CS: variants seen among roughly 807,000 people sequenced by gnomAD.
CS encodes the protein citrate synthase, mitochondrial.
In CS, 13 loss-of-function variants were observed where a neutral mutation model predicts 61.4. The observed-to-expected ratio is 0.21, with a 90% confidence interval of 0.14 to 0.34. The LOEUF (loss-of-function observed/expected upper bound fraction) is 0.34, where lower values mean the gene tolerates loss of function less well. Among genes scored for constraint, CS ranks in the 10% least tolerant of loss-of-function variants. The probability of loss-of-function intolerance (pLI) is 1.00; values close to 1 mark genes in which losing one functional copy is unlikely to be tolerated. For missense variants in CS, 278 were observed against 573.4 expected (o/e 0.48, Z 5.26); for synonymous variants, 159 against 215.2 (o/e 0.74, Z 2.29).
At chr12:56,286,786 C>T in intron 1 of CS, 141 bp from the exon 2 acceptor site, 2 of 737,150 alleles carry the variant, frequency 2.7e-6, no homozygotes, top group Non-Finnish European at 4.6e-6. Context: ...TGTAAAAGTC[C>T]CCAAACAGTT....
chr12:56,278,664 G>A (rs937953666), intron 6 of CS, among the ~76,000 whole-genome samples: 10 of 151,754 alleles, frequency 6.6e-5, no homozygotes, highest in African/African-American at 2.4e-4. Flanking sequence ...TTGAACCTGG[G>A]AGGCGGAGGT....
At chr12:56,278,924 C>T (rs774628273) in intron 6 of CS, among the ~76,000 whole-genome samples, 5 of 151,934 alleles carry the variant, frequency 3.3e-5, no homozygotes, top group Admixed American at 1.3e-4. Context: ...CAGGTGTGCA[C>T]CAGGACGCTC....
intron 1 of CS, among the ~76,000 whole-genome samples, chr12:56,287,517 G>C (rs950126337): frequency 2.1e-5 from 3 of 143,666 alleles, no homozygotes; most frequent in African/African-American, 7.6e-5. Flanking sequence ...AAAAGAGAGA[G>C]AGAGAAAATA....
intron 1 of CS, among the ~76,000 whole-genome samples, chr12:56,290,517 C>T (rs1873088043): frequency 6.6e-6 from 1 of 152,098 alleles, no homozygotes. Flanking sequence ...GCCTGATAGC[C>T]ACTTTCTAGC....
intron 2 of CS, chr12:56,286,226 T>C (rs889009611): frequency 5.2e-6 from 3 of 579,438 alleles, no homozygotes; most frequent in African/African-American, 3.7e-5. Context: ...GAACAGTTTC[T>C]CGGTTTGGGC....
At chr12:56,278,408 G>A (rs558797590) in intron 6 of CS, among the ~76,000 whole-genome samples, 90 of 152,174 alleles carry the variant, frequency 5.9e-4, no homozygotes, top group Non-Finnish European at 1.0e-3. Context: ...GATTACAGGC[G>A]TGAGCCACTG....
chr12:56,271,861 G>A lies in CS; in HGVS notation c.*1223C>T, dbSNP rs1271413817. ...CAGGCAGGAGTTTGGAGGAAAGATG[G>A]GGGCACAGCAGGAGTGTATCTTAAT... is the stretch of plus-strand genomic sequence containing the variant. On this transcript the variant is annotated 3_prime_UTR_variant, in exon 11 of 11. Transcript: ENST00000351328. 2.2e-6 allele frequency: 1 copy of A among 456,176 alleles called. No individual in the cohort carries two copies. Among genetic ancestry groups the A allele is most frequent in the Non-Finnish European group, 4.4e-6 (1 of 226,720 alleles). 28.3% of individuals were successfully genotyped at this position (456,176 alleles called of 1,614,324 possible). A position where few individuals can be genotyped will look rare whatever the true frequency, so the allele number is the denominator to read the frequency against.
At chr12:56,277,948 C>T (rs1371679762) in intron 6 of CS, among the ~76,000 whole-genome samples, 1 of 151,924 alleles carries the variant, frequency 6.6e-6, no homozygotes, top group African/African-American at 2.4e-5. Flanking sequence ...ATTCTTTAAG[C>T]ACTTACTATG....
chr12:56,281,386 G>A (rs1872772535), intron 6 of CS, among the ~76,000 whole-genome samples: 1 of 152,152 alleles, frequency 6.6e-6, no homozygotes, highest in South Asian at 2.1e-4. Context: ...TTCATTTTCA[G>A]AGAATAAAGC....
rs1313975990 is a variant in CS, at chr12:56,283,776, C to T, written c.267+16G>A. On this transcript the variant is annotated intron_variant, in intron 4 of 10. Coordinates refer to ENST00000351328, the MANE Select transcript of CS (RefSeq NM_004077.3). ...AAACTCAATGATTATTAGTAATTGA[C>T]ATGAAGATGTCTTACCTCATCAGGA... The T allele has an allele frequency of 1.3e-6, 2 of 1,594,438 alleles. No homozygotes were observed. Among genetic ancestry groups the T allele is most frequent in the African/African-American group, 2.7e-5 (2 of 74,554 alleles).
intron 9 of CS, chr12:56,274,055 T>A: frequency 2.1e-6 from 1 of 465,284 alleles, no homozygotes; most frequent in Non-Finnish European, 3.9e-6. Context: ...GGCTCATGCC[T>A]GTAATCCCAG....
chr12:56,278,734 GAA>G (rs761606533), intron 6 of CS, among the ~76,000 whole-genome samples: 4 of 136,282 alleles, frequency 2.9e-5, no homozygotes. Context: ...CTCTGTCTCG[GAA>G]AAAAAAAAAA....
chr12:56,299,981 G>C (rs555227721), intron 1 of CS, 179 bp downstream of exon 1: 1 of 588,502 alleles, frequency 1.7e-6, no homozygotes, highest in East Asian at 3.8e-5. Flanking sequence ...CCAGGAGCCA[G>C]AAGGGAAGCG....
At chr12:56,279,213 C>A (rs1872704649) in intron 6 of CS, among the ~76,000 whole-genome samples, 1 of 152,162 alleles carries the variant, frequency 6.6e-6, no homozygotes, top group Non-Finnish European at 1.5e-5. Context: ...CAATTAGAGG[C>A]CTAGAAGCTA....
At chr12:56,294,900 C>T (rs907231889) in intron 1 of CS, among the ~76,000 whole-genome samples, 2 of 152,056 alleles carry the variant, frequency 1.3e-5, no homozygotes, top group Non-Finnish European at 2.9e-5. Context: ...TCCCTAGTAG[C>T]TGGGATTACA....
At chr12:56,275,695 A>C (rs994659467) in intron 7 of CS, 2 of 440,098 alleles carry the variant, frequency 4.5e-6, no homozygotes, top group Non-Finnish European at 8.3e-6. Context: ...ACCTAGCTTT[A>C]ATAGCAATGG....
intron 1 of CS, among the ~76,000 whole-genome samples, chr12:56,292,220 A>AC (rs1315589917): frequency 2.0e-5 from 3 of 151,250 alleles, no homozygotes; most frequent in African/African-American, 7.3e-5. Context: ...ACATGGTGAA[A>AC]CCCCGTCTCT....
At chr12:56,291,166 T>G (rs968543030) in intron 1 of CS, 1 of 922,496 alleles carries the variant, frequency 1.1e-6, no homozygotes, top group African/African-American at 1.8e-5. Context: ...GCTTTGTGCA[T>G]AGCTGAATTC....
At chr12:56,295,493 C>T (rs1873269337) in intron 1 of CS, among the ~76,000 whole-genome samples, 1 of 151,668 alleles carries the variant, frequency 6.6e-6, no homozygotes, top group Non-Finnish European at 1.5e-5. Flanking sequence ...TGCACTCCAG[C>T]CTGGGTGACA....
Sources: allele counts gnomAD v4.1 joint callset (sites outside exome capture counted in the v4.1 genomes callset), GRCh38; gene constraint gnomAD v4.1.1; transcripts MANE v1.5; gene names NCBI Gene and HGNC (gene_info 2026-07-23, HGNC 2026-07-21).